Variants in LRRC7 observed in about 807,000 individuals in gnomAD.
LRRC7 encodes the protein leucine rich repeat containing 7.
In LRRC7, 23 loss-of-function variants were observed where a neutral mutation model predicts 175.7. That is an observed-to-expected ratio of 0.13 (90% CI 0.09 to 0.19). LRRC7 has a LOEUF of 0.19. Ranked by LOEUF, LRRC7 falls within the 10% of genes least tolerant of loss-of-function variation. The pLI, the probability that LRRC7 is intolerant of heterozygous loss-of-function variation, is 1.00. For missense variants in LRRC7, 1,354 were observed against 1,904.7 expected (o/e 0.71, Z 5.38); for synonymous variants, 685 against 680.9 (o/e 1.01, Z -0.09).
chr1:69,783,974 T>A (rs1036437812), intron 3 of LRRC7, among the ~76,000 whole-genome samples: 6 of 152,082 alleles, frequency 3.9e-5, no homozygotes, highest in Non-Finnish European at 8.8e-5. Context: ...ATTGCTCATG[T>A]TAGAAAAAAA....
At chr1:70,029,530 G>T (rs1484125067) in intron 18 of LRRC7, among the ~76,000 whole-genome samples, 1 of 151,962 alleles carries the variant, frequency 6.6e-6, no homozygotes, top group Non-Finnish European at 1.5e-5. Flanking sequence ...ATTGTTTTTT[G>T]CTTATAAAAT....
intron 2 of LRRC7, among the ~76,000 whole-genome samples, chr1:69,746,654 T>A (rs1011243553): frequency 6.6e-6 from 1 of 151,936 alleles, no homozygotes; most frequent in Non-Finnish European, 1.5e-5. Flanking sequence ...TGCCATCTAT[T>A]AGGAGTACAA....
chr1:69,612,713 A>G lies in LRRC7; in HGVS notation c.2+44072A>G, dbSNP rs1409078738. Among the ~76,000 whole-genome samples, 3 of 152,096 alleles carry G rather than the reference A, an allele frequency of 2.0e-5. No individual in the cohort carries two copies. In the East Asian group the frequency reaches 5.8e-4, roughly 29 times the overall value. On this transcript the variant is annotated intron_variant, in intron 1 of 26. Coordinates refer to ENST00000651989, the MANE Select transcript of LRRC7 (RefSeq NM_001370785.2). ...CCATATACTGTAATTTACCTAAATA[A>G]GTTCTAATGTTTTGACTTAATTTTG...
At chr1:69,994,413 A>G in intron 10 of LRRC7, 148 bp from the exon 11 acceptor site, 1 of 642,994 alleles carries the variant, frequency 1.6e-6, no homozygotes, top group Non-Finnish European at 2.7e-6. Flanking sequence ...ACTACACACA[A>G]ACGTCAGTTT....
intron 8 of LRRC7, among the ~76,000 whole-genome samples, chr1:69,972,098 C>G (rs1652297167): frequency 6.6e-6 from 1 of 152,200 alleles, no homozygotes; most frequent in Non-Finnish European, 1.5e-5. Context: ...GGATCCTCAT[C>G]TCTCACCTTA....
intron 24 of LRRC7, among the ~76,000 whole-genome samples, chr1:70,078,792 A>ACGCG (rs141606062): frequency 1.4e-5 from 2 of 146,678 alleles, no homozygotes; most frequent in Admixed American, 6.8e-5. Context: ...TTCTACATAT[A>ACGCG]CGCGCGCGCG....
In LRRC7 at chr1:69,825,205, G is replaced by A. The variant is rs570268277; in HGVS notation, c.422-543G>A. 3.3e-5 allele frequency among the ~76,000 whole-genome samples: 5 copies of A among 152,208 alleles called. No individual in the cohort carries two copies. The South Asian group carries it at 1.0e-3, about 32-fold the overall frequency. On this transcript the variant is annotated intron_variant, in intron 4 of 26. Transcript: ENST00000651989. ...TCAGGCAGATGCAGAGCTACACTCT[G>A]TACAGCCAACAAAAAAGAATTGTAT... is the stretch of plus-strand genomic sequence containing the variant.
In LRRC7 at chr1:69,812,428, G is replaced by A. The variant is rs3753820; in HGVS notation, c.422-13320G>A. ...AAAATTATTGTGCAGATGGAATAAA[G>A]TGCTTATTACATTCTCTCTTTCTCT... On this transcript the variant is annotated intron_variant, in intron 4 of 26. Coordinates refer to ENST00000651989, the MANE Select transcript of LRRC7 (RefSeq NM_001370785.2). Among the ~76,000 whole-genome samples, 9 of 152,148 alleles carry A rather than the reference G, an allele frequency of 5.9e-5. No individual in the cohort carries two copies. In the East Asian group the frequency reaches 1.7e-3, roughly 29 times the overall value.
chr1:70,077,268 T>C (rs989816354), intron 24 of LRRC7, among the ~76,000 whole-genome samples: 2 of 152,254 alleles, frequency 1.3e-5, no homozygotes, highest in African/African-American at 4.8e-5. Context: ...GAAGCCTAGA[T>C]TACGTACTAA....
chr1:69,984,075 G>A (rs115523973), intron 9 of LRRC7, among the ~76,000 whole-genome samples: 6,452 of 152,056 alleles, frequency 0.042, 196 homozygotes, highest in Non-Finnish European at 0.059. Flanking sequence ...ACAGGTGCCC[G>A]CCACCATAGT....
chr1:69,600,657 C>T (rs1225583242), intron 1 of LRRC7, among the ~76,000 whole-genome samples: 1 of 152,092 alleles, frequency 6.6e-6, no homozygotes, highest in East Asian at 1.9e-4. Flanking sequence ...CATTTGGCTC[C>T]TATGCCCCTT....
Position 70,038,936 on chromosome 1 carries a change from G to A in LRRC7, c.3112G>A (p.Val1038Ile). 2 of 1,613,996 alleles carry A rather than the reference G, an allele frequency of 1.2e-6. No individual in the cohort carries two copies. The highest frequency in any genetic ancestry group is 1.7e-6 in the Non-Finnish European group (2 of 1,180,000). Residue 1038 changes from valine to isoleucine, a missense_variant, in exon 21 of 27, where the codon GTC becomes ATC. By Grantham distance (29) the Val-to-Ile change is conservative. Transcript: ENST00000651989. ...GTCCAGTATGTCTCGAAGCCAGTCA[G>A]TCCCAATGCTGGATGATGAGATGCT... ...GMSSMSRSQS[V>I]PMLDDEMLTY...
chr1:69,937,926 G>T (rs1035498845), intron 8 of LRRC7, among the ~76,000 whole-genome samples: 1 of 151,804 alleles, frequency 6.6e-6, no homozygotes, highest in African/African-American at 2.4e-5. Context: ...GAGACTTGAT[G>T]ATGAGGTCAT....
In LRRC7 at chr1:70,038,418, C is replaced by T; in HGVS notation, c.2594C>T (p.Thr865Ile). The part of the protein sequence containing the change: ...VGVPLELEQS[T>I]HRHTPETEVP... ...GTTCCCCTGGAACTCGAGCAGTCTA[C>T]ACACAGACACACACCAGAAACAGAA... Residue 865 changes from threonine (T) to isoleucine (I), a missense_variant, in exon 21 of 27, where the codon ACA (threonine) becomes ATA (isoleucine). This residue lies in a region of LRRC7 where 1,032 missense variants were observed against 1,227.2 expected (regional missense o/e 0.84). Coordinates refer to ENST00000651989, the MANE Select transcript of LRRC7 (RefSeq NM_001370785.2). 6 of 1,614,156 alleles carry T rather than the reference C, an allele frequency of 3.7e-6. No individual in the cohort carries two copies. The highest frequency in any genetic ancestry group is 5.1e-6 in the Non-Finnish European group (6 of 1,180,006).
intron 1 of LRRC7, among the ~76,000 whole-genome samples, chr1:69,586,276 A>AT (rs1646400331): frequency 6.6e-6 from 1 of 152,212 alleles, no homozygotes; most frequent in Admixed American, 6.5e-5. Context: ...TTCTGTCACC[A>AT]TCTGTCAGAC....
At position 70,053,068 on chromosome 1, in the gene LRRC7, G is replaced by A; in HGVS notation, c.4153G>A (p.Asp1385Asn). The A allele has an allele frequency of 6.2e-7, 1 of 1,610,902 alleles. No homozygotes were observed. ...QSNILDNGQE[D>N]VSPSGQWNPY... ...CAACATTTTAGACAATGGACAAGAA[G>A]ATGTATCTCCTAGTGGCCAATGGAA... Residue 1385 changes from aspartate to asparagine, a missense_variant, in exon 23 of 27, where the codon GAT (aspartate) becomes AAT (asparagine). Asp to Asn is a conservative substitution (Grantham distance 23). Transcript: ENST00000651989.
At position 70,038,198 on chromosome 1, in the gene LRRC7, C is replaced by T. The variant is rs200373817; in HGVS notation, c.2374C>T (p.Arg792Cys). The change falls in exon 21 of 27, where the codon CGT becomes TGT. Residue 792 changes from arginine to cysteine, a missense_variant. This residue lies in a region of LRRC7 where 1,032 missense variants were observed against 1,227.2 expected (regional missense o/e 0.84). Coordinates refer to ENST00000651989, the MANE Select transcript of LRRC7 (RefSeq NM_001370785.2). The stretch of plus-strand genomic sequence containing the variant: ...TGTTCCCCCAGGCAATATACCACAG[C>T]GTCCTGACCGGCTGCCCATGAGTGA... ...EAVPPGNIPQ[R>C]PDRLPMSDTF... 40 of 1,614,128 alleles carry T rather than the reference C, an allele frequency of 2.5e-5. No individual in the cohort carries two copies. The highest frequency in any genetic ancestry group is 2.0e-4 in the Admixed American group (12 of 60,020).
rs1026810827 is a variant in LRRC7, at chr1:70,132,523, G to A, written c.*10636G>A. ...CTCTGTCATCAGGCTGGAGGCTGGA[G>A]TGCAGTGGCACGATCTCAGCTTACT... On this transcript the variant is annotated 3_prime_UTR_variant, in exon 27 of 27. Coordinates refer to ENST00000651989, the MANE Select transcript of LRRC7 (RefSeq NM_001370785.2). Among the ~76,000 whole-genome samples, 27 of 137,788 alleles carry A rather than the reference G, an allele frequency of 2.0e-4. No individual in the cohort carries two copies. Among genetic ancestry groups the A allele is most frequent in the African/African-American group, 7.0e-4 (25 of 35,876 alleles). 90.4% of individuals were successfully genotyped at this position (137,788 alleles called of 152,430 possible).
intron 3 of LRRC7, among the ~76,000 whole-genome samples, chr1:69,775,854 C>T (rs72941460): frequency 0.025 from 3,801 of 152,172 alleles, 172 homozygotes; most frequent in African/African-American, 0.087. Flanking sequence ...AGACCCTGGA[C>T]TAGACTTCAG....
Sources: gnomAD v4.1 joint callset for allele counts (sites outside exome capture counted in the v4.1 genomes callset) on GRCh38, gnomAD v4.1.1 for gene constraint, gnomAD v4.1.1 regional missense constraint, MANE v1.5 for transcripts, NCBI Gene and HGNC (gene_info 2026-07-23, HGNC 2026-07-21) for gene names.